STAU2: variants seen among roughly 807,000 people sequenced by gnomAD.
The protein encoded by STAU2 is double-stranded RNA-binding protein Staufen homolog 2.
A neutral mutation model predicts 65.9 loss-of-function variants in STAU2; 20 were observed. The observed-to-expected ratio is 0.30, with a 90% CI of 0.21 to 0.44. The LOEUF (loss-of-function observed/expected upper bound fraction) is 0.44. STAU2 is among the 20% of genes least tolerant of loss of function. The probability of loss-of-function intolerance (pLI) is 1.00; values close to 1 mark genes in which losing one functional copy is unlikely to be tolerated. For missense variants in STAU2, 558 were observed against 683.9 expected (o/e 0.82, Z 2.05); for synonymous variants, 232 against 233.9 (o/e 0.99, Z 0.07).
chr8:73,500,494 T>C (rs1821686665), intron 13 of STAU2, among the ~76,000 whole-genome samples: 2 of 151,910 alleles, frequency 1.3e-5, no homozygotes. Context: ...TTACACAGTA[T>C]TTTGTGGGAA....
At chr8:73,658,529 A>G (rs1411967703) in intron 6 of STAU2, among the ~76,000 whole-genome samples, 2 of 152,222 alleles carry the variant, frequency 1.3e-5, no homozygotes, top group East Asian at 3.9e-4. Flanking sequence ...ATTAGACACA[A>G]TATTACATTT....
At chr8:73,736,850 G>C (rs1304062428) in intron 3 of STAU2, among the ~76,000 whole-genome samples, 1 of 152,130 alleles carries the variant, frequency 6.6e-6, no homozygotes, top group Non-Finnish European at 1.5e-5. Flanking sequence ...ACTATATGTC[G>C]GAAGGCAGGG....
At chr8:73,672,981 C>T in intron 6 of STAU2, 126 bp downstream of exon 6, 1 of 871,448 alleles carries the variant, frequency 1.1e-6, no homozygotes, top group South Asian at 4.2e-5. Context: ...CCTGCTTTAT[C>T]TAAATTCCAT....
At chr8:73,642,240 C>T (rs757783935) in intron 6 of STAU2, among the ~76,000 whole-genome samples, 6 of 152,136 alleles carry the variant, frequency 3.9e-5, no homozygotes, top group Non-Finnish European at 7.4e-5. Context: ...AAACTTTCAT[C>T]TTTGCCAGGT....
rs143849778 is a variant in STAU2, at chr8:73,708,954, T to C, written c.114+78A>G. ...TCTGCTGAACCCCCACTCCCCAAAA[T>C]AAAGCACGATTAAAATCTGAGATGA... On this transcript the variant is annotated intron_variant, in intron 4 of 14. Coordinates refer to ENST00000524300, the MANE Select transcript of STAU2 (RefSeq NM_001164380.2). 1.2e-5 allele frequency: 17 copies of C among 1,373,442 alleles called. No homozygotes were observed. The African/African-American group carries it at 2.5e-4, about 20-fold the overall frequency. The allele number at this position is 1,373,442 out of a possible 1,614,324, so 85.1% of individuals were successfully genotyped here. A position where few individuals can be genotyped will look rare whatever the true frequency, so the allele number is the denominator to read the frequency against.
intron 12 of STAU2, among the ~76,000 whole-genome samples, chr8:73,574,353 C>T (rs554958972): frequency 1.3e-4 from 20 of 152,282 alleles, no homozygotes; most frequent in Non-Finnish European, 1.8e-4. Flanking sequence ...TGTGGCCACT[C>T]GTCAAGAGTC....
rs1176076663 is a variant in STAU2 at position 73,655,735 on chromosome 8, A to G, written c.410+17372T>C. The stretch of plus-strand genomic sequence containing the variant: ...GCGATCTCGGCTCACTGCAAGCTCC[A>G]CCTCCTGGGTTCACGCCATTCTCCT... On this transcript the variant is annotated intron_variant, in intron 6 of 14. Transcript: ENST00000524300. 3.1e-5 allele frequency among the ~76,000 whole-genome samples: 4 copies of G among 129,084 alleles called. No homozygotes were observed. The South Asian group carries it at 9.5e-4, about 31-fold the overall frequency. 84.7% of individuals were successfully genotyped at this position (129,084 alleles called of 152,430 possible). A position where few individuals can be genotyped will look rare whatever the true frequency, so the allele number is the denominator to read the frequency against.
At chr8:73,520,707 G>T (rs1206479877) in intron 13 of STAU2, among the ~76,000 whole-genome samples, 1 of 152,180 alleles carries the variant, frequency 6.6e-6, no homozygotes. Context: ...TCTGGATGTG[G>T]TTATACTGCA....
intron 13 of STAU2, among the ~76,000 whole-genome samples, chr8:73,464,434 C>A (rs1819540081): frequency 6.6e-6 from 1 of 152,212 alleles, no homozygotes; most frequent in Non-Finnish European, 1.5e-5. Flanking sequence ...TATGAAGAGA[C>A]TCCAACTGCC....
At chr8:73,588,631 G>C (rs1407404435) in intron 11 of STAU2, among the ~76,000 whole-genome samples, 1 of 152,170 alleles carries the variant, frequency 6.6e-6, no homozygotes. Context: ...GGCAAAGGCA[G>C]GAAATTCTCT....
chr8:73,518,937 A>T (rs562823684), intron 13 of STAU2, among the ~76,000 whole-genome samples: 62 of 152,328 alleles, frequency 4.1e-4, no homozygotes, highest in African/African-American at 1.3e-3. Context: ...TGAAATATTT[A>T]AAAAAATCAA....
chr8:73,725,095 C>G (rs954981908), intron 3 of STAU2, among the ~76,000 whole-genome samples: 1 of 152,158 alleles, frequency 6.6e-6, no homozygotes, highest in African/African-American at 2.4e-5. Flanking sequence ...TTGAGTCTTG[C>G]TCTTCTATAC....
At chr8:73,553,679 G>C (rs117733718) in intron 12 of STAU2, among the ~76,000 whole-genome samples, 3,384 of 151,904 alleles carry the variant, frequency 0.022, 41 homozygotes, top group Non-Finnish European at 0.036. Context: ...CCAATGACCT[G>C]TCTTTGAGAT....
chr8:73,700,460 A>G (rs567782839), intron 4 of STAU2, among the ~76,000 whole-genome samples: 58 of 152,146 alleles, frequency 3.8e-4, no homozygotes, highest in Non-Finnish European at 6.9e-4. Flanking sequence ...ACAGATAAAC[A>G]AATTTAGTAA....
At chr8:73,704,423 G>A (rs1160607609) in intron 4 of STAU2, among the ~76,000 whole-genome samples, 1 of 151,958 alleles carries the variant, frequency 6.6e-6, no homozygotes, top group African/African-American at 2.4e-5. Context: ...AAAAAAGATG[G>A]ATACAGACCA....
chr8:73,723,721 T>C (rs1821841287), intron 3 of STAU2, among the ~76,000 whole-genome samples: 1 of 152,238 alleles, frequency 6.6e-6, no homozygotes, highest in Non-Finnish European at 1.5e-5. Context: ...ATGGGTCTTT[T>C]TGTCTCTTCT....
intron 13 of STAU2, among the ~76,000 whole-genome samples, chr8:73,456,541 G>A (rs1416944970): frequency 2.0e-5 from 3 of 152,148 alleles, no homozygotes; most frequent in Admixed American, 6.5e-5. Flanking sequence ...GTGGGAGGGG[G>A]AGGGAGCAGG....
chr8:73,589,559 A>C (rs1289574956), intron 11 of STAU2, among the ~76,000 whole-genome samples: 1 of 152,212 alleles, frequency 6.6e-6, no homozygotes, highest in Non-Finnish European at 1.5e-5. Flanking sequence ...GAAATCCTAA[A>C]CGAAAAATAT....
At chr8:73,500,910 CT>C (rs1211340536) in intron 13 of STAU2, among the ~76,000 whole-genome samples, 1 of 151,866 alleles carries the variant, frequency 6.6e-6, no homozygotes, top group East Asian at 1.9e-4. Context: ...AGGCTAAAAT[CT>C]TTAAGTTCTC....
Sources: allele counts gnomAD v4.1 joint callset (sites outside exome capture counted in the v4.1 genomes callset), GRCh38; gene constraint gnomAD v4.1.1; transcripts MANE v1.5; gene names NCBI Gene and HGNC (gene_info 2026-07-23, HGNC 2026-07-21).